KIAA0825: variants seen among roughly 807,000 people sequenced by gnomAD.
The protein encoded by KIAA0825 is uncharacterized protein KIAA0825.
KIAA0825 carries 119 observed loss-of-function variants against 147.6 expected under a neutral mutation model. The ratio of observed to expected loss-of-function variants is 0.81; its 90% CI spans 0.69 to 0.94. The LOEUF is 0.94. Ranked by LOEUF, KIAA0825 falls within the 40% of genes least tolerant of loss-of-function variation. KIAA0825 has a pLI of 0.00. For missense variants in KIAA0825, 1,381 were observed against 1,472.7 expected, an observed-to-expected ratio of 0.94 and a Z score of 1.02; for synonymous variants, 470 against 518.1, an observed-to-expected ratio of 0.91 and a Z score of 1.26.
At chr5:94,451,121 T>G (rs1316597355) in intron 13 of KIAA0825, among the ~76,000 whole-genome samples, 1 of 152,218 alleles carries the variant, frequency 6.6e-6, no homozygotes, top group Non-Finnish European at 1.5e-5. Flanking sequence ...CTCATCACTC[T>G]AAAAACTGAG....
At chr5:94,397,059 G>C (rs1750754766) in intron 16 of KIAA0825, among the ~76,000 whole-genome samples, 1 of 151,606 alleles carries the variant, frequency 6.6e-6, no homozygotes, top group Non-Finnish European at 1.5e-5. Context: ...CCTCTCTTTT[G>C]GGGATCCCCA....
At chr5:94,459,441 C>A (rs1234235044) in intron 12 of KIAA0825, among the ~76,000 whole-genome samples, 1 of 152,104 alleles carries the variant, frequency 6.6e-6, no homozygotes, top group Non-Finnish European at 1.5e-5. Flanking sequence ...GTGTGCCAGT[C>A]ACTCCTGAGG....
chr5:94,375,760 C>CG (rs1446709330), intron 20 of KIAA0825, among the ~76,000 whole-genome samples: 3 of 152,032 alleles, frequency 2.0e-5, no homozygotes, highest in African/African-American at 7.2e-5. Flanking sequence ...GGAGCTTGAA[C>CG]GGGGGGAGAC....
Position 94,273,960 on chromosome 5 carries a change from G to A in KIAA0825, c.3710+110408C>T, listed in dbSNP as rs1350756147. ...TAACTCCAAGGACTAATAGAATATTGTCCATATGAAATAGGTATAATTGGT... is the reference window on the plus strand; with the variant it reads ...TAACTCCAAGGACTAATAGAATATTATCCATATGAAATAGGTATAATTGGT... On this transcript the variant is annotated intron_variant, in intron 20 of 20. Transcript: ENST00000682413. 3.3e-5 allele frequency among the ~76,000 whole-genome samples: 5 copies of A among 152,086 alleles called. 1 individual carries two copies. The highest frequency in any genetic ancestry group is 9.7e-5 in the African/African-American group (4 of 41,430).
intron 20 of KIAA0825, among the ~76,000 whole-genome samples, chr5:94,309,538 G>C (rs954772503): frequency 6.6e-6 from 1 of 151,760 alleles, no homozygotes; most frequent in African/African-American, 2.4e-5. Flanking sequence ...GTGCTATGCT[G>C]TTCAGGAAAG....
At chr5:94,249,163 A>T (rs1348217252) in intron 20 of KIAA0825, among the ~76,000 whole-genome samples, 1 of 152,146 alleles carries the variant, frequency 6.6e-6, no homozygotes, top group African/African-American at 2.4e-5. Flanking sequence ...TACACAGAAG[A>T]CACCAACATT....
chr5:94,252,649 G>A (rs1481892366), intron 20 of KIAA0825, among the ~76,000 whole-genome samples: 2 of 151,934 alleles, frequency 1.3e-5, no homozygotes, highest in Admixed American at 1.3e-4. Context: ...ATATGCCTAG[G>A]ACAAAAGACT....
At chr5:94,586,569 A>C (rs1474188591) in intron 1 of KIAA0825, among the ~76,000 whole-genome samples, 1 of 152,192 alleles carries the variant, frequency 6.6e-6, no homozygotes, top group Non-Finnish European at 1.5e-5. Context: ...CAACCAAAAA[A>C]ACTCCAGGAC....
At chr5:94,599,261 G>A (rs1785881896) in intron 1 of KIAA0825, among the ~76,000 whole-genome samples, 1 of 150,108 alleles carries the variant, frequency 6.7e-6, no homozygotes, top group African/African-American at 2.4e-5. Flanking sequence ...TACTTATTGG[G>A]CATTTGTATA....
At chr5:94,430,898 T>C (rs1481363625) in intron 14 of KIAA0825, among the ~76,000 whole-genome samples, 1 of 152,212 alleles carries the variant, frequency 6.6e-6, no homozygotes, top group East Asian at 1.9e-4. Flanking sequence ...GTCCTAAATA[T>C]ATAGAACTTG....
At chr5:94,274,920 G>C (rs760446995) in intron 20 of KIAA0825, among the ~76,000 whole-genome samples, 3 of 152,110 alleles carry the variant, frequency 2.0e-5, no homozygotes, top group Non-Finnish European at 4.4e-5. Flanking sequence ...ACCAATAACA[G>C]AGGGGTGGAA....
chr5:94,316,922 A>C (rs1230405084), intron 20 of KIAA0825, among the ~76,000 whole-genome samples: 1 of 151,792 alleles, frequency 6.6e-6, no homozygotes, highest in Non-Finnish European at 1.5e-5. Flanking sequence ...CAGACCTCTA[A>C]TCAAAACCAT....
At chr5:94,409,417 A>G (rs1752481059) in intron 15 of KIAA0825, among the ~76,000 whole-genome samples, 1 of 152,196 alleles carries the variant, frequency 6.6e-6, no homozygotes, top group Non-Finnish European at 1.5e-5. Flanking sequence ...TCCCAGTCCA[A>G]GGAGCAGAAA....
chr5:94,229,664 T>G (rs1251073390), intron 20 of KIAA0825, among the ~76,000 whole-genome samples: 1 of 152,064 alleles, frequency 6.6e-6, no homozygotes, highest in East Asian at 1.9e-4. Context: ...CTTTTTGCCT[T>G]ATTTTCTAGC....
intron 2 of KIAA0825, among the ~76,000 whole-genome samples, chr5:94,537,790 GC>G (rs931625521): frequency 1.3e-5 from 2 of 152,070 alleles, no homozygotes; most frequent in African/African-American, 2.4e-5. Context: ...GGTGGGTGCA[GC>G]AAAAATTCAA....
chr5:94,536,471 C>T (rs768833683), intron 3 of KIAA0825, among the ~76,000 whole-genome samples: 1 of 152,142 alleles, frequency 6.6e-6, no homozygotes, highest in Non-Finnish European at 1.5e-5. Flanking sequence ...CCAAAGAACA[C>T]GTATTAATGA....
At chr5:94,407,279 C>A (rs1297980796) in intron 15 of KIAA0825, among the ~76,000 whole-genome samples, 20 of 152,154 alleles carry the variant, frequency 1.3e-4, no homozygotes, top group African/African-American at 4.6e-4. Context: ...GGCAGAGTTG[C>A]AAACTGTGTG....
Position 94,152,936 on chromosome 5 carries a change from C to T in KIAA0825, c.*1071G>A, listed in dbSNP as rs1562284368. 9.5e-6 allele frequency: 1 copy of T among 104,786 alleles called. No individual in the cohort carries two copies. Among genetic ancestry groups the T allele is most frequent in the Non-Finnish European group, 1.8e-5 (1 of 55,534 alleles). The allele number at this position is 104,786 out of a possible 1,614,324, so 6.5% of individuals were successfully genotyped here. A position where few individuals can be genotyped will look rare whatever the true frequency, so the allele number is the denominator to read the frequency against. Reference sequence around the variant, plus strand: ...CCCAGACGTTCTTAGACTGCCCAACCATGCAATTCTCTTTGTTGTCTTTTT... The same window carrying T: ...CCCAGACGTTCTTAGACTGCCCAACTATGCAATTCTCTTTGTTGTCTTTTT... On this transcript the variant is annotated 3_prime_UTR_variant, in exon 21 of 21. Transcript: ENST00000682413.
intron 20 of KIAA0825, among the ~76,000 whole-genome samples, chr5:94,300,385 TCCCATTACTG>T (rs1407114326): frequency 6.6e-6 from 1 of 152,132 alleles, no homozygotes. Context: ...TATTCAATTG[TCCCATTACTG>T]CTATCTGTTA....
Sources: allele counts gnomAD v4.1 joint callset (sites outside exome capture counted in the v4.1 genomes callset), GRCh38; gene constraint gnomAD v4.1.1; transcripts MANE v1.5; gene names NCBI Gene and HGNC (gene_info 2026-07-23, HGNC 2026-07-21).